The following PTPN14 variants were observed in gnomAD, a reference collection of about 807,000 sequenced individuals.
The protein encoded by PTPN14 is protein tyrosine phosphatase non-receptor type 14.
A neutral mutation model predicts 126.8 loss-of-function variants in PTPN14; 53 were observed. The ratio of observed to expected loss-of-function variants is 0.42; its 90% CI spans 0.34 to 0.53. The LOEUF (loss-of-function observed/expected upper bound fraction) is 0.53, where lower values mean the gene tolerates loss of function less well. Among genes scored for constraint, PTPN14 ranks in the 20% least tolerant of loss-of-function variants. The pLI is 0.08. For missense variants in PTPN14, 1,257 were observed against 1,552.9 expected (o/e 0.81, Z 3.20); for synonymous variants, 630 against 599.3 (o/e 1.05, Z -0.75).
chr1:214,517,416 T>C (rs1245639028), intron 1 of PTPN14, among the ~76,000 whole-genome samples: 1 of 151,370 alleles, frequency 6.6e-6, no homozygotes, highest in Non-Finnish European at 1.5e-5. Flanking sequence ...CAAGACAAAG[T>C]GCACATTGAA....
chr1:214,465,592 T>C (rs11120333), intron 1 of PTPN14, among the ~76,000 whole-genome samples: 125,777 of 152,092 alleles, frequency 0.83, 52,116 homozygotes, highest in African/African-American at 0.89. Context: ...GCACTCCAGC[T>C]TGGGCAACAG....
chr1:214,517,702 C>T (rs1655144277), intron 1 of PTPN14, among the ~76,000 whole-genome samples: 1 of 152,068 alleles, frequency 6.6e-6, no homozygotes, highest in African/African-American at 2.4e-5. Context: ...AGCTTTATAT[C>T]CATGATCTGA....
At chr1:214,524,575 C>A (rs1433021739) in intron 1 of PTPN14, among the ~76,000 whole-genome samples, 2 of 152,024 alleles carry the variant, frequency 1.3e-5, no homozygotes, top group African/African-American at 4.8e-5. Context: ...TCCCTTGAGC[C>A]CAGGAGGTCA....
At chr1:214,393,112 A>C (rs1558082981) in intron 10 of PTPN14, among the ~76,000 whole-genome samples, 1 of 152,126 alleles carries the variant, frequency 6.6e-6, no homozygotes, top group Non-Finnish European at 1.5e-5. Context: ...CCCTCATCAC[A>C]CGCCTCTTTA....
chr1:214,414,280 A>G (rs1330005817), intron 4 of PTPN14, among the ~76,000 whole-genome samples: 1 of 152,228 alleles, frequency 6.6e-6, no homozygotes, highest in Non-Finnish European at 1.5e-5. Flanking sequence ...ACACCTTTGC[A>G]GCATCAAGCT....
At position 214,383,126 on chromosome 1, in the gene PTPN14, T is replaced by C. The variant is rs1194188034; in HGVS notation, c.2544+185A>G. ...AAGTACACCTGTTAGAAGCCACAAA[T>C]GAGAATGGAAGATTTATCTGAAAGG... On this transcript the variant is annotated intron_variant, in intron 13 of 18. Coordinates refer to ENST00000366956, the MANE Select transcript of PTPN14 (RefSeq NM_005401.5). This position sits in a 1 kb window ranked among gnomAD's most constrained non-coding sequence, Gnocchi z 4.4. Among the ~76,000 whole-genome samples, 1 of 152,194 alleles carries C rather than the reference T, an allele frequency of 6.6e-6. No individual in the cohort carries two copies. Among genetic ancestry groups the C allele is most frequent in the East Asian group, 1.9e-4 (1 of 5,192 alleles).
chr1:214,466,298 C>T (rs6540836), intron 1 of PTPN14, among the ~76,000 whole-genome samples: 138,838 of 151,380 alleles, frequency 0.92, 63,779 homozygotes, highest in African/African-American at 0.97. Context: ...AATGGAAAGA[C>T]ATGAATTATT....
intron 1 of PTPN14, among the ~76,000 whole-genome samples, chr1:214,513,647 A>G (rs1351821440): frequency 2.0e-5 from 3 of 151,986 alleles, no homozygotes; most frequent in South Asian, 2.1e-4. Context: ...CCTGCATTCC[A>G]TCTTGTGCCT....
intron 13 of PTPN14, among the ~76,000 whole-genome samples, chr1:214,379,379 A>C (rs1039358440): frequency 6.6e-6 from 1 of 152,210 alleles, no homozygotes; most frequent in Non-Finnish European, 1.5e-5. Flanking sequence ...GGAGGACTGC[A>C]TGACGCCCTT....
intron 1 of PTPN14, chr1:214,531,499 A>AC: frequency 7.7e-6 from 1 of 129,620 alleles, no homozygotes; most frequent in African/African-American, 3.0e-5. Flanking sequence ...AACCCAGCCT[A>AC]ACACACACAC....
At chr1:214,549,926 T>C (rs1010827513) in intron 1 of PTPN14, among the ~76,000 whole-genome samples, 3 of 152,184 alleles carry the variant, frequency 2.0e-5, no homozygotes, top group Admixed American at 6.5e-5. Flanking sequence ...TGCACCAACA[T>C]GGCCATAAAT....
chr1:214,402,268 T>C (rs951000239), intron 6 of PTPN14, among the ~76,000 whole-genome samples: 3 of 151,460 alleles, frequency 2.0e-5, no homozygotes, highest in Non-Finnish European at 2.9e-5. Context: ...TGAAACCCCA[T>C]CTCCACTAAA....
At chr1:214,403,667 T>G (rs1308895320) in intron 5 of PTPN14, among the ~76,000 whole-genome samples, 2 of 152,188 alleles carry the variant, frequency 1.3e-5, no homozygotes. Context: ...ATCACAGAAA[T>G]AGGCTTGCTA....
At chr1:214,404,991 C>T (rs1156436120) in intron 5 of PTPN14, among the ~76,000 whole-genome samples, 2 of 152,200 alleles carry the variant, frequency 1.3e-5, no homozygotes. Flanking sequence ...GACCATTCTT[C>T]AATGTGACTC....
intron 1 of PTPN14, among the ~76,000 whole-genome samples, chr1:214,482,019 T>TCTTG (rs1209924485): frequency 6.6e-6 from 1 of 151,064 alleles, no homozygotes; most frequent in Non-Finnish European, 1.5e-5. Flanking sequence ...AATGAAGACT[T>TCTTG]CTTGCTATTA....
intron 17 of PTPN14, among the ~76,000 whole-genome samples, chr1:214,365,021 A>ACAG (rs1400339274): frequency 6.6e-6 from 1 of 152,098 alleles, no homozygotes; most frequent in African/African-American, 2.4e-5. Context: ...GACATTACTT[A>ACAG]CAGCAATTCC....
At chr1:214,549,687 A>G (rs1656056665) in intron 1 of PTPN14, among the ~76,000 whole-genome samples, 1 of 152,152 alleles carries the variant, frequency 6.6e-6, no homozygotes, top group Non-Finnish European at 1.5e-5. Context: ...AATGTGGGGG[A>G]CAAAAAAGAA....
chr1:214,449,531 C>T (rs1294433074), intron 3 of PTPN14, among the ~76,000 whole-genome samples: 1 of 152,136 alleles, frequency 6.6e-6, no homozygotes, highest in Non-Finnish European at 1.5e-5. Context: ...CACTTAATGG[C>T]CGAGAGCCAA....
At chr1:214,545,959 G>C (rs560384161) in intron 1 of PTPN14, among the ~76,000 whole-genome samples, 4 of 152,212 alleles carry the variant, frequency 2.6e-5, no homozygotes, top group Admixed American at 2.6e-4. Flanking sequence ...CCAGCAACAT[G>C]GAAACATCTA....
Sources: allele counts gnomAD v4.1 joint callset (sites outside exome capture counted in the v4.1 genomes callset), GRCh38; gene constraint gnomAD v4.1.1; non-coding constraint Gnocchi (gnomAD v3.1); transcripts MANE v1.5; gene names NCBI Gene and HGNC (gene_info 2026-07-23, HGNC 2026-07-21).